The following SMC4 variants were observed in gnomAD, a reference collection of about 807,000 sequenced individuals.
The protein encoded by SMC4 is structural maintenance of chromosomes protein 4.
In SMC4, 87 loss-of-function variants were observed where a neutral mutation model predicts 145.6. The ratio of observed to expected loss-of-function variants is 0.60; its 90% CI spans 0.50 to 0.71. SMC4 has a LOEUF of 0.71. Ranked by LOEUF, SMC4 falls within the 30% of genes least tolerant of loss-of-function variation. SMC4 has a pLI of 0.00. For synonymous variants in SMC4, 558 were observed against 500.7 expected, an observed-to-expected ratio of 1.11 and a Z score of -1.53; for missense variants, 1,447 against 1,537.1, an observed-to-expected ratio of 0.94 and a Z score of 0.98.
intron 5 of SMC4, among the ~76,000 whole-genome samples, chr3:160,410,585 A>G (rs558614752): frequency 6.6e-6 from 1 of 152,372 alleles, no homozygotes; most frequent in African/African-American, 2.4e-5. Flanking sequence ...ATGGAAAATA[A>G]CTTTTGGGGT....
Position 160,433,709 on chromosome 3 carries a change from T to C in SMC4, c.3767T>C (p.Phe1256Ser). ...FIIISLRNNM[F>S]EISDRLIGIY... is the part of the protein sequence containing the mutation. ...ATAATTTCTCTTCGAAATAATATGT[T>C]TGAGATTTCGGATAGACTTATTGGA... The change falls in exon 24 of 24, where the codon TTT becomes TCT. Residue 1256 changes from phenylalanine to serine, a missense_variant. Coordinates refer to ENST00000357388, the MANE Select transcript of SMC4 (RefSeq NM_001002800.3). The C allele has an allele frequency of 6.3e-7, 1 of 1,586,940 alleles. No homozygotes were observed. Among genetic ancestry groups the C allele is most frequent in the Non-Finnish European group, 8.6e-7 (1 of 1,164,174 alleles).
chr3:160,412,361 T>G lies in SMC4; in HGVS notation c.888T>G (p.Asp296Glu). 1 of 1,602,542 alleles carries G rather than the reference T, an allele frequency of 6.2e-7. No individual in the cohort carries two copies. Among genetic ancestry groups the G allele is most frequent in the Middle Eastern group, 1.7e-4 (1 of 6,020 alleles). Residue 296 changes from aspartate (D) to glutamate (E), a missense_variant, in exon 7 of 24, where the codon GAT becomes GAG. Physicochemically the swap from Asp to Glu is conservative, Grantham distance 45 (BLOSUM62 2). Transcript: ENST00000357388. ...NRVKMVEKEK[D>E]ALEGEKNIAI... Reference sequence around the variant, plus strand: ...TAAAGATGGTGGAAAAGGAAAAGGATGCCTTAGAAGGAGAGAAAAACATAG... The same window carrying G: ...TAAAGATGGTGGAAAAGGAAAAGGAGGCCTTAGAAGGAGAGAAAAACATAG...
chr3:160,403,738 A>T (rs948300001), intron 4 of SMC4, among the ~76,000 whole-genome samples: 3 of 152,126 alleles, frequency 2.0e-5, no homozygotes, highest in Non-Finnish European at 2.9e-5. Flanking sequence ...TTGCTTCAGT[A>T]TGACAGAACT....
intron 21 of SMC4, among the ~76,000 whole-genome samples, chr3:160,432,032 C>T (rs1718463464): frequency 1.3e-5 from 2 of 152,186 alleles, no homozygotes; most frequent in African/African-American, 4.8e-5. Context: ...GAAACCTCAT[C>T]TCTATTAAAG....
intron 5 of SMC4, among the ~76,000 whole-genome samples, chr3:160,408,473 A>G (rs1189038517): frequency 2.0e-5 from 3 of 152,248 alleles, no homozygotes; most frequent in Non-Finnish European, 1.5e-5. Context: ...AAGATACAAG[A>G]AATAGAGATA....
chr3:160,405,038 T>C (rs891477292), intron 5 of SMC4, among the ~76,000 whole-genome samples: 9 of 152,100 alleles, frequency 5.9e-5, no homozygotes, highest in African/African-American at 2.2e-4. Flanking sequence ...TTTGGATGGT[T>C]AACTTAACCT....
chr3:160,417,601 T>C, intron 10 of SMC4, 122 bp from the exon 11 acceptor site: 1 of 785,202 alleles, frequency 1.3e-6, no homozygotes, highest in African/African-American at 1.8e-5. Context: ...GAATTTCTTA[T>C]TTCTATATAC....
At chr3:160,429,498 A>G (rs1718142351) in intron 18 of SMC4, among the ~76,000 whole-genome samples, 1 of 150,270 alleles carries the variant, frequency 6.7e-6, no homozygotes, top group Non-Finnish European at 1.5e-5. Context: ...AATGCACTAC[A>G]ACACCTGGCT....
intron 1 of SMC4, chr3:160,400,512 T>C (rs1714444257): frequency 3.8e-6 from 1 of 265,182 alleles, no homozygotes; most frequent in Admixed American, 5.5e-5. Flanking sequence ...GCGAATATTA[T>C]ACGCTTATAC....
Position 160,420,920 on chromosome 3 carries a change from C to G in SMC4, c.2019+19C>G. 8 of 1,581,060 alleles carry G rather than the reference C, an allele frequency of 5.1e-6. No homozygotes were observed. The highest frequency in any genetic ancestry group is 6.0e-6 in the Non-Finnish European group (7 of 1,164,862). The stretch of plus-strand genomic sequence containing the variant: ...AGATAAGGTGGGTATTCGTAATAAC[C>G]TACCTATAATTGGAATTTTTTTTTT... On this transcript the variant is annotated intron_variant, in intron 13 of 23. Transcript: ENST00000357388.
At chr3:160,429,579 T>G (rs1304754987) in intron 18 of SMC4, among the ~76,000 whole-genome samples, 2 of 152,008 alleles carry the variant, frequency 1.3e-5, no homozygotes, top group African/African-American at 2.4e-5. Context: ...ACTCCTGGGC[T>G]GAAGCAGTCC....
chr3:160,420,661 A>T, intron 12 of SMC4, 79 bp from the exon 13 acceptor site: 1 of 1,467,228 alleles, frequency 6.8e-7, no homozygotes, highest in Non-Finnish European at 9.3e-7. Flanking sequence ...CAATTAAAAG[A>T]AGTTTTTAAA....
In SMC4 at chr3:160,412,248, A is replaced by G; in HGVS notation, c.853-78A>G. 4 of 1,476,712 alleles carry G rather than the reference A, an allele frequency of 2.7e-6. No individual in the cohort carries two copies. In the South Asian group the frequency reaches 5.2e-5, roughly 19 times the overall value. The allele number at this position is 1,476,712 out of a possible 1,614,324, so 91.5% of individuals were successfully genotyped here. Reference sequence around the variant, plus strand: ...AACATTCTCCTTATTAACTGTTTTTATCTAATGTTTGCATATTTTAAGTTC... The same window carrying G: ...AACATTCTCCTTATTAACTGTTTTTGTCTAATGTTTGCATATTTTAAGTTC... On this transcript the variant is annotated intron_variant, in intron 6 of 23. Transcript: ENST00000357388.
chr3:160,411,784 A>T (rs1716013964), intron 5 of SMC4, 136 bp from the exon 6 acceptor site: 1 of 603,834 alleles, frequency 1.7e-6, no homozygotes, highest in African/African-American at 1.8e-5. Flanking sequence ...ACCTTATTAA[A>T]TCATTGCACT....
intron 5 of SMC4, among the ~76,000 whole-genome samples, chr3:160,410,333 G>A (rs1372654968): frequency 6.6e-6 from 1 of 152,160 alleles, no homozygotes; most frequent in Non-Finnish European, 1.5e-5. Flanking sequence ...TAGTGCCACT[G>A]TTGATAAACC....
chr3:160,426,234 A>G (rs41272959), intron 17 of SMC4, 34 bp downstream of exon 17: 72,352 of 1,527,276 alleles, frequency 0.047, 2,116 homozygotes, highest in Middle Eastern at 0.076. Context: ...TTGGGGGGAA[A>G]AAAAAAACAG....
intron 7 of SMC4, 135 bp downstream of exon 7, chr3:160,412,588 G>A (rs1716131684): frequency 7.5e-7 from 1 of 1,326,352 alleles, no homozygotes; most frequent in South Asian, 1.7e-5. Context: ...GTGACTGAAT[G>A]TGTTAGCTCA....
At chr3:160,429,403 G>A (rs1479156163) in intron 18 of SMC4, among the ~76,000 whole-genome samples, 1 of 152,102 alleles carries the variant, frequency 6.6e-6, no homozygotes, top group East Asian at 1.9e-4. Flanking sequence ...GAGTGCAGTG[G>A]CACAGTCAGG....
chr3:160,420,891 G>T lies in SMC4; in HGVS notation c.2009G>T (p.Gly670Val), dbSNP rs766949477. 6.2e-7 allele frequency: 1 copy of T among 1,604,684 alleles called. No homozygotes were observed. The highest frequency in any genetic ancestry group is 1.3e-5 in the African/African-American group (1 of 74,386). ...RQNIGVATFIGLDKMAVWAKK... is the reference protein window; with the variant it reads ...RQNIGVATFIVLDKMAVWAKK... The stretch of plus-strand genomic sequence containing the variant: ...AATATTGGAGTTGCAACCTTTATAG[G>T]TTTAGATAAGGTGGGTATTCGTAAT... Residue 670 changes from glycine to valine, a missense_variant, in exon 13 of 24, where the codon GGT (glycine) becomes GTT (valine). By Grantham distance (109) the Gly-to-Val change is moderately radical. Coordinates refer to ENST00000357388, the MANE Select transcript of SMC4 (RefSeq NM_001002800.3).
Sources: gnomAD v4.1 joint callset for allele counts (sites outside exome capture counted in the v4.1 genomes callset) on GRCh38, gnomAD v4.1.1 for gene constraint, MANE v1.5 for transcripts, NCBI Gene and HGNC (gene_info 2026-07-23, HGNC 2026-07-21) for gene names.